The following AIMP1 variants were observed in gnomAD, a reference collection of about 807,000 sequenced individuals.
The protein encoded by AIMP1 is aminoacyl tRNA synthase complex-interacting multifunctional protein 1.
Under a neutral mutation model 33.1 loss-of-function variants are expected in AIMP1, and 24 were observed. The ratio of observed to expected loss-of-function variants is 0.73; its 90% CI spans 0.53 to 1.02. The LOEUF is 1.02. Ranked by LOEUF, AIMP1 falls within the 50% of genes least tolerant of loss-of-function variation. The pLI, the probability that AIMP1 is intolerant of heterozygous loss-of-function variation, is 0.00. For synonymous variants in AIMP1, 120 were observed against 121.5 expected (o/e 0.99, Z 0.08); for missense variants, 367 against 364.8 (o/e 1.01, Z -0.05).
intron 1 of AIMP1, among the ~76,000 whole-genome samples, chr4:106,321,997 C>T (rs1022488983): frequency 3.6e-5 from 5 of 138,794 alleles, no homozygotes; most frequent in African/African-American, 1.3e-4. Context: ...TTAAATGGCC[C>T]GTGCTCTCTG....
At chr4:106,321,794 T>C (rs1404328290) in intron 1 of AIMP1, among the ~76,000 whole-genome samples, 1 of 152,240 alleles carries the variant, frequency 6.6e-6, no homozygotes, top group Admixed American at 6.5e-5. Context: ...GATCAGATTG[T>C]TACTGTGTCT....
At position 106,316,560 on chromosome 4, in the gene AIMP1, G is replaced by A. The variant is rs765085658; in HGVS notation, c.-60G>A. The A allele has an allele frequency of 2.6e-6, 4 of 1,551,622 alleles. No individual in the cohort carries two copies. Among genetic ancestry groups the A allele is most frequent in the East Asian group, 4.9e-5 (2 of 40,908 alleles). The stretch of plus-strand genomic sequence containing the variant: ...TGGCTGGACCTACATGCTTCCTGCT[G>A]TGGCTGTCTCGGAACCCGTGGTCCT... On this transcript the variant is annotated 5_prime_UTR_variant, in exon 1 of 7. In the 5' UTR this introduces an upstream ATG that the reference lacks. Coordinates refer to ENST00000672341, the MANE Select transcript of AIMP1 (RefSeq NM_001142416.2).
chr4:106,318,454 G>A (rs1403127844), intron 1 of AIMP1, among the ~76,000 whole-genome samples: 2 of 152,208 alleles, frequency 1.3e-5, no homozygotes, highest in Non-Finnish European at 2.9e-5. Context: ...TAATTAGATT[G>A]TGTAGCAAAT....
chr4:106,341,863 C>T (rs1013902673), intron 6 of AIMP1, among the ~76,000 whole-genome samples: 1 of 152,052 alleles, frequency 6.6e-6, no homozygotes, highest in African/African-American at 2.4e-5. Context: ...ATAGTATTAA[C>T]TCTGTAGATT....
chr4:106,338,169 G>A (rs376832476), intron 6 of AIMP1, among the ~76,000 whole-genome samples: 36 of 152,298 alleles, frequency 2.4e-4, no homozygotes, highest in African/African-American at 7.9e-4. Flanking sequence ...GAGCATAAAA[G>A]TTTGAAAAAT....
chr4:106,344,633 A>G (rs1035310777), intron 6 of AIMP1, among the ~76,000 whole-genome samples: 2 of 152,136 alleles, frequency 1.3e-5, no homozygotes, highest in South Asian at 4.1e-4. Flanking sequence ...GATCTAGCAG[A>G]TTATATTACT....
chr4:106,317,833 G>A (rs566589704), intron 1 of AIMP1, among the ~76,000 whole-genome samples: 1 of 152,270 alleles, frequency 6.6e-6, no homozygotes. Context: ...GCAAAGGTTA[G>A]GGTATATTAT....
chr4:106,321,073 A>C (rs1769205737), intron 1 of AIMP1, among the ~76,000 whole-genome samples: 1 of 152,176 alleles, frequency 6.6e-6, no homozygotes, highest in Non-Finnish European at 1.5e-5. Context: ...GCTGGAGTGC[A>C]GTGGCGTGAT....
rs775904686 is a variant in AIMP1, at chr4:106,331,803, T to C, written c.523T>C (p.Tyr175His). 1 of 1,614,142 alleles carries C rather than the reference T, an allele frequency of 6.2e-7. No homozygotes were observed. The highest frequency in any genetic ancestry group is 1.3e-5 in the African/African-American group (1 of 75,056). Residue 175 changes from tyrosine (Y) to histidine (H), a missense_variant, in exon 5 of 7, where the codon TAT (tyrosine) becomes CAT (histidine). Transcript: ENST00000672341. ...AAAACACCCTGATGCAGATTCTTTG[T>C]ATGTGGAAGAAGTAGATGTCGGAGA... Reference protein sequence around the residue: ...ARKHPDADSLYVEEVDVGEIA... With the variant: ...ARKHPDADSLHVEEVDVGEIA...
At chr4:106,315,551 C>T (rs1443961780), upstream of AIMP1, 1 of 152,258 alleles carries the variant, frequency 6.6e-6, no homozygotes, top group African/African-American at 2.4e-5. Flanking sequence ...TTCACTTTCT[C>T]CTACTGCTCA....
At chr4:106,324,256 T>C (rs1769376973) in intron 1 of AIMP1, among the ~76,000 whole-genome samples, 1 of 152,042 alleles carries the variant, frequency 6.6e-6, no homozygotes, top group Non-Finnish European at 1.5e-5. Flanking sequence ...CAGTTCATAG[T>C]ATTACTAATG....
intron 1 of AIMP1, 51 bp downstream of exon 1, chr4:106,316,645 G>T: frequency 6.5e-7 from 1 of 1,530,882 alleles, no homozygotes; most frequent in East Asian, 2.5e-5. Context: ...GATTGCGATC[G>T]TAGGGGTCTT....
chr4:106,347,402 T>G (rs927334770), intron 6 of AIMP1, 124 bp from the exon 7 acceptor site: 5 of 828,084 alleles, frequency 6.0e-6, no homozygotes, highest in Non-Finnish European at 9.0e-6. Context: ...GTTAAAAGTT[T>G]GATTAGGTCC....
At chr4:106,328,597 A>G (rs1769547175) in intron 4 of AIMP1, among the ~76,000 whole-genome samples, 1 of 152,222 alleles carries the variant, frequency 6.6e-6, no homozygotes, top group South Asian at 2.1e-4. Flanking sequence ...GCTTAGGACC[A>G]GTTGTGAAGA....
chr4:106,327,951 A>G lies in AIMP1; in HGVS notation c.224-125A>G, dbSNP rs1769517338. ...CATTTTATAGTCTCAGACAGTGGAT[A>G]TTTGATAGCCATATACAGTGAATTT... On this transcript the variant is annotated intron_variant, in intron 3 of 6. Coordinates refer to ENST00000672341, the MANE Select transcript of AIMP1 (RefSeq NM_001142416.2). 2.1e-6 allele frequency: 3 copies of G among 1,402,002 alleles called. No homozygotes were observed. The African/African-American group carries it at 4.3e-5, about 20-fold the overall frequency. The allele number at this position is 1,402,002 out of a possible 1,614,324, so 86.8% of individuals were successfully genotyped here.
intron 1 of AIMP1, among the ~76,000 whole-genome samples, chr4:106,323,772 A>G (rs970479957): frequency 1.3e-5 from 2 of 152,122 alleles, no homozygotes; most frequent in Non-Finnish European, 2.9e-5. Context: ...ATTAGGCAGA[A>G]TTGGCAAGTT....
rs572516327 is a variant in AIMP1, at chr4:106,329,232, G to A, written c.391+989G>A. On this transcript the variant is annotated intron_variant, in intron 4 of 6. Transcript: ENST00000672341. ...ACTAGGTGGTATGATTACAATGAAAGCAAGTCAGACTAACTCTTCTAGTTT... is the reference window on the plus strand; with the variant it reads ...ACTAGGTGGTATGATTACAATGAAAACAAGTCAGACTAACTCTTCTAGTTT... Among the ~76,000 whole-genome samples, 30 of 152,264 alleles carry A rather than the reference G, an allele frequency of 2.0e-4. No individual in the cohort carries two copies. The South Asian group carries it at 5.8e-3, about 29-fold the overall frequency.
At chr4:106,327,393 A>C (rs1769492665) in intron 2 of AIMP1, 58 bp from the exon 3 acceptor site, 1 of 1,246,314 alleles carries the variant, frequency 8.0e-7, no homozygotes, top group East Asian at 2.4e-5. Context: ...CTTTTCAAAT[A>C]GTATTCATAC....
At chr4:106,325,165 T>G in intron 2 of AIMP1, 47 bp downstream of exon 2, 6 of 1,469,788 alleles carry the variant, frequency 4.1e-6, no homozygotes, top group Non-Finnish European at 4.7e-6. Flanking sequence ...AATGAATTCA[T>G]ACATTGATGG....
Sources: allele counts gnomAD v4.1 joint callset (sites outside exome capture counted in the v4.1 genomes callset), GRCh38; gene constraint gnomAD v4.1.1; transcripts MANE v1.5; gene names NCBI Gene and HGNC (gene_info 2026-07-23, HGNC 2026-07-21).